The following GALNT2 variants were observed in gnomAD, a reference collection of about 807,000 sequenced individuals.
The protein encoded by GALNT2 is polypeptide N-acetylgalactosaminyltransferase 2.
In GALNT2, 31 loss-of-function variants were observed where a neutral mutation model predicts 81.4. The observed-to-expected ratio is 0.38, with a 90% CI of 0.29 to 0.51. The LOEUF is 0.51. Ranked by LOEUF, GALNT2 falls within the 20% of genes least tolerant of loss-of-function variation. GALNT2 has a pLI of 0.87. For missense variants in GALNT2, 629 were observed against 765.7 expected (o/e 0.82, Z 2.11); for synonymous variants, 303 against 287.4 (o/e 1.05, Z -0.55).
intron 2 of GALNT2, among the ~76,000 whole-genome samples, chr1:230,198,345 TGGCAGGGGCAGGACCAGCAGCCCAGGAGC>T (rs1663772418): frequency 6.7e-6 from 1 of 148,192 alleles, no homozygotes; most frequent in African/African-American, 2.5e-5. Flanking sequence ...GTACGAGGAG[TGGCAGGGGCAGGACCAGCAGCCCAGGAGC>T]GTACGAGGAG....
At chr1:230,135,537 G>A (rs958248468) in intron 1 of GALNT2, among the ~76,000 whole-genome samples, 5 of 152,202 alleles carry the variant, frequency 3.3e-5, no homozygotes, top group Admixed American at 1.3e-4. Context: ...GAAATCACAC[G>A]GCGGGGAGGT....
chr1:230,075,559 TTTA>T (rs1337627961), intron 1 of GALNT2, among the ~76,000 whole-genome samples: 2 of 152,200 alleles, frequency 1.3e-5, no homozygotes, highest in Non-Finnish European at 2.9e-5. Context: ...GTTCTTTTCA[TTTA>T]TTCTTTCAGT....
At chr1:230,088,991 G>A (rs1017130666) in intron 1 of GALNT2, among the ~76,000 whole-genome samples, 1 of 151,984 alleles carries the variant, frequency 6.6e-6, no homozygotes, top group Non-Finnish European at 1.5e-5. Context: ...CGTATAAATT[G>A]ACTCAAGCAC....
intron 1 of GALNT2, among the ~76,000 whole-genome samples, chr1:230,145,837 A>G (rs1165698152): frequency 6.6e-6 from 1 of 152,232 alleles, no homozygotes; most frequent in Non-Finnish European, 1.5e-5. Context: ...TTAATTGTAA[A>G]GAAATGAGAG....
intron 1 of GALNT2, among the ~76,000 whole-genome samples, chr1:230,137,926 C>CATTATTA (rs1325769353): frequency 6.6e-6 from 1 of 152,128 alleles, no homozygotes; most frequent in Non-Finnish European, 1.5e-5. Context: ...TTATCGTTTC[C>CATTATTA]TAGGTTCTTA....
chr1:230,127,247 CT>C (rs1661213396), intron 1 of GALNT2, among the ~76,000 whole-genome samples: 1 of 151,892 alleles, frequency 6.6e-6, no homozygotes, highest in Non-Finnish European at 1.5e-5. Context: ...CCTCCCCCTT[CT>C]TCTCTGTGGA....
intron 1 of GALNT2, among the ~76,000 whole-genome samples, chr1:230,131,382 C>A (rs1276122987): frequency 6.6e-6 from 1 of 152,176 alleles, no homozygotes; most frequent in Non-Finnish European, 1.5e-5. Context: ...TAACCAATAG[C>A]AAATCAAAAA....
Position 230,269,146 on chromosome 1 carries a change from C to CTTTT in GALNT2, c.1440+3789_1440+3792dup, listed in dbSNP as rs546120149. On this transcript the variant is annotated intron_variant, in intron 14 of 15. Transcript: ENST00000366672. Reference sequence around the variant, plus strand: ...GATTGCTCAGAGAAATTTTTTTTTTCTTTTTTTTTTTTTGAGACGGAGTTT... The same window carrying CTTTT: ...GATTGCTCAGAGAAATTTTTTTTTTCTTTTTTTTTTTTTTTTTGAGACGGAGTTT... Among the ~76,000 whole-genome samples, 12 of 118,318 alleles carry CTTTT rather than the reference C, an allele frequency of 1.0e-4. 1 individual carries two copies. Among genetic ancestry groups the CTTTT allele is most frequent in the African/African-American group, 1.6e-4 (5 of 30,464 alleles). 77.6% of individuals were successfully genotyped at this position (118,318 alleles called of 152,430 possible).
chr1:230,265,906 C>T (rs1406061890), intron 14 of GALNT2, among the ~76,000 whole-genome samples: 1 of 152,230 alleles, frequency 6.6e-6, no homozygotes, highest in African/African-American at 2.4e-5. Flanking sequence ...TAAAAATGCA[C>T]AACCGCCAGG....
chr1:230,132,993 C>T (rs1000408418), intron 1 of GALNT2, among the ~76,000 whole-genome samples: 3 of 152,240 alleles, frequency 2.0e-5, no homozygotes, highest in Non-Finnish European at 4.4e-5. Context: ...ATCCCCACCA[C>T]GGTGCCTTCT....
intron 15 of GALNT2, among the ~76,000 whole-genome samples, chr1:230,278,959 G>A (rs1240541793): frequency 1.3e-5 from 2 of 152,198 alleles, no homozygotes; most frequent in African/African-American, 4.8e-5. Flanking sequence ...TTCATACGAA[G>A]GCATGCAAAT....
At chr1:230,097,040 C>T (rs1660272717) in intron 1 of GALNT2, among the ~76,000 whole-genome samples, 1 of 152,130 alleles carries the variant, frequency 6.6e-6, no homozygotes, top group African/African-American at 2.4e-5. Context: ...AGAGGGGGTG[C>T]ACGGTGACAA....
chr1:230,096,822 C>A (rs1660267414), intron 1 of GALNT2, among the ~76,000 whole-genome samples: 1 of 152,210 alleles, frequency 6.6e-6, no homozygotes, highest in African/African-American at 2.4e-5. Flanking sequence ...GGGTTTAATT[C>A]ACTCAGAGGT....
intron 3 of GALNT2, among the ~76,000 whole-genome samples, chr1:230,224,135 G>A (rs956962083): frequency 1.3e-5 from 2 of 152,186 alleles, no homozygotes; most frequent in Non-Finnish European, 2.9e-5. Flanking sequence ...CCAAGAGGAC[G>A]ATGGTGGGCA....
Position 230,169,791 on chromosome 1 carries a change from A to G in GALNT2, c.127-8427A>G, listed in dbSNP as rs77985179. On this transcript the variant is annotated intron_variant, in intron 1 of 15. Transcript: ENST00000366672. ...GAAGTGCTGACCTTTATCATAACAT[A>G]TTTTTTATTTGTGAGCAAGTGGAGT... Among the ~76,000 whole-genome samples the G allele has an allele frequency of 9.7e-3, 1,470 of 152,290 alleles. 27 individuals carry two copies. Among genetic ancestry groups the G allele is most frequent in the African/African-American group, 0.034 (1,399 of 41,568 alleles).
intron 3 of GALNT2, among the ~76,000 whole-genome samples, chr1:230,220,896 C>T (rs1037792738): frequency 3.9e-5 from 6 of 152,148 alleles, no homozygotes; most frequent in Non-Finnish European, 7.3e-5. Context: ...TAATGGTCTA[C>T]GCAGTGGGCT....
intron 1 of GALNT2, among the ~76,000 whole-genome samples, chr1:230,133,355 CT>C (rs1272765645): frequency 6.6e-6 from 1 of 152,076 alleles, no homozygotes; most frequent in African/African-American, 2.4e-5. Flanking sequence ...CCAGAAGACT[CT>C]TTTGTACCTT....
At chr1:230,200,086 G>A (rs1174594941) in intron 2 of GALNT2, among the ~76,000 whole-genome samples, 1 of 131,340 alleles carries the variant, frequency 7.6e-6, no homozygotes, top group Non-Finnish European at 1.6e-5. Context: ...TTTTTGAGAT[G>A]GAGTCTTGCA....
rs548129316 is a variant in GALNT2, at chr1:230,281,171, G to A, written c.*1713G>A. 18 of 152,438 alleles carry A rather than the reference G, an allele frequency of 1.2e-4. No individual in the cohort carries two copies. The highest frequency in any genetic ancestry group is 3.4e-4 in the African/African-American group (14 of 41,572). The allele number at this position is 152,438 out of a possible 1,614,324, so 9.4% of individuals were successfully genotyped here. On this transcript the variant is annotated 3_prime_UTR_variant, in exon 16 of 16. Transcript: ENST00000366672. Reference sequence around the variant, plus strand: ...CCTCCCTGTGTCTTGTATGAAAGGGGCCACTGTGTGTCTTCCTCCCCGGCG... The same window carrying A: ...CCTCCCTGTGTCTTGTATGAAAGGGACCACTGTGTGTCTTCCTCCCCGGCG...
Sources: gnomAD v4.1 joint callset for allele counts (sites outside exome capture counted in the v4.1 genomes callset) on GRCh38, gnomAD v4.1.1 for gene constraint, MANE v1.5 for transcripts, NCBI Gene and HGNC (gene_info 2026-07-23, HGNC 2026-07-21) for gene names.